Variants in OCA2 observed in about 807,000 individuals in gnomAD.
OCA2 encodes P protein.
A neutral mutation model predicts 100.2 loss-of-function variants in OCA2; 77 were observed. The ratio of observed to expected loss-of-function variants is 0.77; its 90% CI spans 0.64 to 0.93. The LOEUF (loss-of-function observed/expected upper bound fraction) is 0.93, where lower values mean the gene tolerates loss of function less well. Among genes scored for constraint, OCA2 ranks in the 40% least tolerant of loss-of-function variants. The pLI is 0.00. For missense variants in OCA2, 1,062 were observed against 1,089.1 expected, an observed-to-expected ratio of 0.98 and a Z score of 0.35; for synonymous variants, 432 against 439.2, an observed-to-expected ratio of 0.98 and a Z score of 0.21.
At position 27,799,427 on chromosome 15, in the gene OCA2, G is replaced by A. The variant is rs557869909; in HGVS notation, c.2433-43955C>T. Among the ~76,000 whole-genome samples, 8 of 152,264 alleles carry A rather than the reference G, an allele frequency of 5.3e-5. No homozygotes were observed. The South Asian group carries it at 1.0e-3, about 20-fold the overall frequency. On this transcript the variant is annotated intron_variant, in intron 23 of 23. Transcript: ENST00000354638. Reference sequence around the variant, plus strand: ...GAGTGCAAGAGTCCTACTACAATTCGAGTGGTCAAAATTGCCTGTCTGAAA... The same window carrying A: ...GAGTGCAAGAGTCCTACTACAATTCAAGTGGTCAAAATTGCCTGTCTGAAA...
intron 2 of OCA2, among the ~76,000 whole-genome samples, chr15:28,038,586 A>C (rs1000213087): frequency 1.3e-5 from 2 of 152,220 alleles, no homozygotes; most frequent in Non-Finnish European, 1.5e-5. Context: ...CAGTCCATCT[A>C]AGGCACCAAG....
intron 2 of OCA2, among the ~76,000 whole-genome samples, chr15:28,070,239 C>T (rs1200123712): frequency 0.012 from 1,631 of 136,452 alleles, 5 homozygotes; most frequent in Non-Finnish European, 0.017. Context: ...GGAGCCTCTC[C>T]GCCCGGCAGC....
Position 27,755,377 on chromosome 15 carries a change from A to G in OCA2, c.*11T>C, listed in dbSNP as rs751790611. 3.8e-6 allele frequency: 6 copies of G among 1,586,692 alleles called. No individual in the cohort carries two copies. Among genetic ancestry groups the G allele is most frequent in the Non-Finnish European group, 4.3e-6 (5 of 1,155,142 alleles). ...GTTTCCTTTAGTCTTCGAGCAATAGATGGATGTCTATTAATTCCATCCCAC... is the reference window on the plus strand; with the variant it reads ...GTTTCCTTTAGTCTTCGAGCAATAGGTGGATGTCTATTAATTCCATCCCAC... On this transcript the variant is annotated 3_prime_UTR_variant, in exon 24 of 24. Coordinates refer to ENST00000354638, the MANE Select transcript of OCA2 (RefSeq NM_000275.3).
At chr15:28,094,783 C>A (rs1360608128) in intron 1 of OCA2, among the ~76,000 whole-genome samples, 1 of 152,196 alleles carries the variant, frequency 6.6e-6, no homozygotes, top group Non-Finnish European at 1.5e-5. Context: ...CCCTCAACGC[C>A]CCGCCGTGCC....
intron 7 of OCA2, among the ~76,000 whole-genome samples, chr15:28,018,028 T>TA (rs1342642747): frequency 1.3e-5 from 2 of 151,076 alleles, no homozygotes; most frequent in Non-Finnish European, 2.9e-5. Flanking sequence ...ACAAACACAG[T>TA]AACCGTGCTG....
intron 22 of OCA2, among the ~76,000 whole-genome samples, chr15:27,847,408 G>A (rs1479620476): frequency 6.6e-6 from 1 of 152,218 alleles, no homozygotes. Context: ...AGGAGAACTG[G>A]CACCAACACA....
chr15:27,874,588 A>G (rs1336649184), intron 19 of OCA2, among the ~76,000 whole-genome samples: 1 of 152,248 alleles, frequency 6.6e-6, no homozygotes, highest in Non-Finnish European at 1.5e-5. Context: ...AGATTTAGCC[A>G]GACCCCAAAA....
intron 23 of OCA2, among the ~76,000 whole-genome samples, chr15:27,841,567 A>T (rs187970701): frequency 9.8e-5 from 15 of 152,356 alleles, no homozygotes; most frequent in Non-Finnish European, 1.9e-4. Context: ...ATAAAAATGG[A>T]GCTAAAGTTT....
At chr15:27,842,497 T>G (rs566560587) in intron 23 of OCA2, among the ~76,000 whole-genome samples, 18 of 152,228 alleles carry the variant, frequency 1.2e-4, no homozygotes, top group Non-Finnish European at 1.9e-4. Context: ...TCAGTGCATG[T>G]GCAATTGCAA....
intron 19 of OCA2, among the ~76,000 whole-genome samples, chr15:27,873,120 T>C (rs965739844): frequency 6.6e-6 from 1 of 152,274 alleles, no homozygotes; most frequent in African/African-American, 2.4e-5. Flanking sequence ...TTTGCTTTTA[T>C]ATCAACTAAG....
chr15:27,719,342 A>T, the OCA2 span, among the ~76,000 whole-genome samples: 15 of 152,108 alleles, frequency 9.9e-5, no homozygotes, highest in Non-Finnish European at 1.3e-4. Context: ...AAAGGACACC[A>T]GTCGTATTTA....
At chr15:27,771,225 A>C (rs1595383086) in intron 23 of OCA2, among the ~76,000 whole-genome samples, 2 of 146,570 alleles carry the variant, frequency 1.4e-5, no homozygotes. Context: ...GCCCATAAAC[A>C]CCCCCAGGTC....
chr15:27,823,092 C>A (rs929477189), intron 23 of OCA2, among the ~76,000 whole-genome samples: 4 of 152,216 alleles, frequency 2.6e-5, no homozygotes, highest in African/African-American at 9.6e-5. Flanking sequence ...TGGCATGGTG[C>A]CGTATATTCA....
chr15:27,970,476 G>T (rs1227715500), intron 14 of OCA2, among the ~76,000 whole-genome samples: 1 of 150,972 alleles, frequency 6.6e-6, no homozygotes, highest in Admixed American at 6.6e-5. Flanking sequence ...CGCCCCAGCA[G>T]GCACGGCATG....
chr15:27,918,476 G>A (rs968342521), intron 19 of OCA2, among the ~76,000 whole-genome samples: 1 of 152,136 alleles, frequency 6.6e-6, no homozygotes, highest in Non-Finnish European at 1.5e-5. Flanking sequence ...AATGCATCCC[G>A]TAGTTGTAGT....
At chr15:27,952,438 G>C (rs896652724) in intron 17 of OCA2, among the ~76,000 whole-genome samples, 7 of 152,286 alleles carry the variant, frequency 4.6e-5, no homozygotes. Context: ...ATCAACCTAG[G>C]AGTACCTAGG....
At chr15:27,869,353 C>A (rs1445386666) in intron 21 of OCA2, among the ~76,000 whole-genome samples, 1 of 152,194 alleles carries the variant, frequency 6.6e-6, no homozygotes, top group Non-Finnish European at 1.5e-5. Flanking sequence ...GAACAGAGAC[C>A]TGCCTGTTTA....
intron 1 of OCA2, among the ~76,000 whole-genome samples, chr15:28,092,541 T>TG (rs2044887955): frequency 6.6e-6 from 1 of 152,086 alleles, no homozygotes; most frequent in Non-Finnish European, 1.5e-5. Flanking sequence ...TTAGTAGAGA[T>TG]GGGGTCTTAC....
chr15:28,069,909 A>G (rs2044171845), intron 2 of OCA2, among the ~76,000 whole-genome samples: 3 of 123,080 alleles, frequency 2.4e-5, no homozygotes, highest in East Asian at 2.5e-4. Flanking sequence ...CCCAGTCTGG[A>G]AAGTAAGGAG....
Sources: allele counts gnomAD v4.1 joint callset (sites outside exome capture counted in the v4.1 genomes callset), GRCh38; gene constraint gnomAD v4.1.1; transcripts MANE v1.5; gene names NCBI Gene and HGNC (gene_info 2026-07-23, HGNC 2026-07-21).